CCDC117: variants seen among roughly 807,000 people sequenced by gnomAD.
CCDC117 encodes coiled-coil domain-containing protein 117.
A neutral mutation model predicts 23.5 loss-of-function variants in CCDC117; 1 was observed. That is an observed-to-expected ratio of 0.04 (90% CI 0.02 to 0.20). The LOEUF is 0.20. CCDC117 is among the 10% of genes least tolerant of loss of function. The pLI, the probability that CCDC117 is intolerant of heterozygous loss-of-function variation, is 1.00. For missense variants in CCDC117, 383 were observed against 348.2 expected, an observed-to-expected ratio of 1.10 and a Z score of -0.80; for synonymous variants, 132 against 124.8, an observed-to-expected ratio of 1.06 and a Z score of -0.39.
chr22:28,774,446 C>G (rs934756674), intron 2 of CCDC117, among the ~76,000 whole-genome samples: 2 of 149,396 alleles, frequency 1.3e-5, no homozygotes, highest in African/African-American at 2.5e-5. Context: ...TCACAGCTCA[C>G]TGCAGCCTCA....
At chr22:28,781,717 C>G (rs1210640396) in intron 3 of CCDC117, among the ~76,000 whole-genome samples, 1 of 151,806 alleles carries the variant, frequency 6.6e-6, no homozygotes, top group East Asian at 1.9e-4. Context: ...CATCTTGGCT[C>G]AATGCAACCT....
rs929165168 is a variant in CCDC117, at chr22:28,772,936, C to T, written c.87C>T (p.Gly29=). 5.7e-6 allele frequency: 7 copies of T among 1,219,680 alleles called. No individual in the cohort carries two copies. Among genetic ancestry groups the T allele is most frequent in the African/African-American group, 1.6e-5 (1 of 63,682 alleles). 75.6% of individuals were successfully genotyped at this position (1,219,680 alleles called of 1,614,324 possible). The change falls in exon 1 of 5, where the codon GGC becomes GGT. Residue 29 remains glycine, a synonymous_variant. Transcript: ENST00000249064. The part of the protein sequence containing the change: ...FLQPPQPAFP[G]RAFPPGADGA... ...AGCCGCCGCAGCCGGCCTTCCCCGG[C>T]CGGGCCTTCCCGCCGGGGGCTGACG...
At chr22:28,785,282 G>A (rs2031479007) in intron 4 of CCDC117, among the ~76,000 whole-genome samples, 1 of 151,376 alleles carries the variant, frequency 6.6e-6, no homozygotes, top group Non-Finnish European at 1.5e-5. Context: ...TTGACCTCCT[G>A]GGCTCAGGTG....
rs747713488 is a variant in CCDC117, at chr22:28,781,023, T to G, written c.315T>G (p.His105Gln). 1.2e-6 allele frequency: 2 copies of G among 1,614,054 alleles called. No homozygotes were observed. The highest frequency in any genetic ancestry group is 1.1e-5 in the South Asian group (1 of 91,082). The stretch of plus-strand genomic sequence containing the variant: ...CTAATGACTGGATTCTTTGTGCACA[T>G]CAGGATGTAGAGGGGCATGGAGTAA... ...AGPNDWILCAHQDVEGHGVNP... is the reference protein window; with the variant it reads ...AGPNDWILCAQQDVEGHGVNP... The change falls in exon 3 of 5, where the codon CAT becomes CAG. Residue 105 changes from histidine (H) to glutamine (Q), a missense_variant. Physicochemically the swap from His to Gln is conservative, Grantham distance 24 (BLOSUM62 0). Coordinates refer to ENST00000249064, the MANE Select transcript of CCDC117 (RefSeq NM_173510.4).
At position 28,787,885 on chromosome 22, in the gene CCDC117, G is replaced by A. The variant is rs2031564768; in HGVS notation, c.*1559G>A. On this transcript the variant is annotated 3_prime_UTR_variant, in exon 5 of 5. Transcript: ENST00000249064. ...CAGATACCTTTTGTAGAAAAAAATG[G>A]CTTATGCCACGTAAAGGTGAATTTT... 6.6e-6 allele frequency: 1 copy of A among 152,410 alleles called. No individual in the cohort carries two copies. Among genetic ancestry groups the A allele is most frequent in the Non-Finnish European group, 1.5e-5 (1 of 68,004 alleles). 9.4% of individuals were successfully genotyped at this position (152,410 alleles called of 1,614,324 possible).
chr22:28,774,947 G>A (rs2031120230), intron 2 of CCDC117, among the ~76,000 whole-genome samples: 1 of 152,086 alleles, frequency 6.6e-6, no homozygotes, highest in Admixed American at 6.6e-5. Flanking sequence ...CATAGAGAGA[G>A]GTTTACGTAA....
At chr22:28,782,002 G>A (rs2031354038) in intron 3 of CCDC117, among the ~76,000 whole-genome samples, 1 of 144,848 alleles carries the variant, frequency 6.9e-6, no homozygotes, top group African/African-American at 2.6e-5. Flanking sequence ...AGGTTGGAGT[G>A]CAGTGGCTCA....
intron 3 of CCDC117, among the ~76,000 whole-genome samples, chr22:28,783,102 C>T (rs1159174409): frequency 6.6e-6 from 1 of 151,928 alleles, no homozygotes; most frequent in East Asian, 1.9e-4. Flanking sequence ...TGTGCAATGG[C>T]ACGATCTTGG....
chr22:28,782,051 C>G lies in CCDC117; in HGVS notation c.464+879C>G, dbSNP rs189417700. Among the ~76,000 whole-genome samples the G allele has an allele frequency of 3.0e-3, 451 of 151,680 alleles. 3 individuals carry two copies. The highest frequency in any genetic ancestry group is 0.01 in the African/African-American group (424 of 41,364). On this transcript the variant is annotated intron_variant, in intron 3 of 4. Coordinates refer to ENST00000249064, the MANE Select transcript of CCDC117 (RefSeq NM_173510.4). ...CTTTCAGGCTCAACCCATCTGCCCCCCTCAGCCTCCCAAGTGGCTGGGACT... is the reference window on the plus strand; with the variant it reads ...CTTTCAGGCTCAACCCATCTGCCCCGCTCAGCCTCCCAAGTGGCTGGGACT...
At chr22:28,780,447 T>C (rs938248832) in intron 2 of CCDC117, among the ~76,000 whole-genome samples, 1 of 152,204 alleles carries the variant, frequency 6.6e-6, no homozygotes, top group African/African-American at 2.4e-5. Context: ...TGACTAAATA[T>C]GATGCTGAAT....
chr22:28,782,542 G>T (rs935076040), intron 3 of CCDC117, among the ~76,000 whole-genome samples: 26 of 152,036 alleles, frequency 1.7e-4, no homozygotes, highest in Non-Finnish European at 3.8e-4. Context: ...GGGTTCAGGC[G>T]ATTCTCCTGC....
intron 1 of CCDC117, 128 bp downstream of exon 1, chr22:28,773,162 C>T (rs1420237417): frequency 1.5e-5 from 4 of 261,818 alleles, no homozygotes; most frequent in Non-Finnish European, 2.4e-5. Context: ...CCCCACGGCC[C>T]TCCGCGGGAG....
At chr22:28,773,664 A>T in intron 1 of CCDC117, 61 bp from the exon 2 acceptor site, 1 of 1,350,068 alleles carries the variant, frequency 7.4e-7, no homozygotes, top group Non-Finnish European at 1.1e-6. Flanking sequence ...AAGAAAGAGG[A>T]TACTGAAACC....
rs1280531513 is a variant in CCDC117, at chr22:28,772,943, T to C, written c.94T>C (p.Phe32Leu). Residue 32 changes from phenylalanine to leucine, a missense_variant, in exon 1 of 5, where the codon TTC (phenylalanine) becomes CTC (leucine). Transcript: ENST00000249064. ...PPQPAFPGRA[F>L]PPGADGAELA... The stretch of plus-strand genomic sequence containing the variant: ...GCAGCCGGCCTTCCCCGGCCGGGCC[T>C]TCCCGCCGGGGGCTGACGGCGCCGA... The C allele has an allele frequency of 2.2e-5, 27 of 1,218,268 alleles. No individual in the cohort carries two copies. In the East Asian group the frequency reaches 8.6e-4, roughly 39 times the overall value. 75.5% of individuals were successfully genotyped at this position (1,218,268 alleles called of 1,614,324 possible).
In CCDC117 at chr22:28,786,997, C is replaced by A. The variant is rs1449236899; in HGVS notation, c.*671C>A. ...CACTGTTGCTCCTTGGTTTCCCTTG[C>A]GTAATTGATAAGCCCAGTTATTCAG... On this transcript the variant is annotated 3_prime_UTR_variant, in exon 5 of 5. Coordinates refer to ENST00000249064, the MANE Select transcript of CCDC117 (RefSeq NM_173510.4). The A allele has an allele frequency of 6.6e-6, 1 of 152,422 alleles. No individual in the cohort carries two copies. Among genetic ancestry groups the A allele is most frequent in the Non-Finnish European group, 1.5e-5 (1 of 68,026 alleles). 9.4% of individuals were successfully genotyped at this position (152,422 alleles called of 1,614,324 possible).
intron 3 of CCDC117, 28 bp from the exon 4 acceptor site, chr22:28,783,480 C>A: frequency 1.9e-6 from 3 of 1,588,220 alleles, no homozygotes; most frequent in Non-Finnish European, 2.6e-6. Flanking sequence ...AATATTTTTT[C>A]TTTCTTCTGC....
chr22:28,777,754 C>T (rs867324892), intron 2 of CCDC117, among the ~76,000 whole-genome samples: 6 of 151,560 alleles, frequency 4.0e-5, no homozygotes, highest in East Asian at 2.0e-4. Context: ...ATGATCCACC[C>T]GCCTCAGCCT....
At chr22:28,778,500 CG>C (rs1411387373) in intron 2 of CCDC117, among the ~76,000 whole-genome samples, 1 of 151,920 alleles carries the variant, frequency 6.6e-6, no homozygotes, top group Non-Finnish European at 1.5e-5. Context: ...CCCAGCTACT[CG>C]GGGGGCTGAG....
chr22:28,782,328 C>T (rs907883645), intron 3 of CCDC117, among the ~76,000 whole-genome samples: 3 of 142,732 alleles, frequency 2.1e-5, no homozygotes, highest in East Asian at 2.1e-4. Flanking sequence ...GTGAACTCGG[C>T]GCTCACTGCA....
Sources: allele counts gnomAD v4.1 joint callset (sites outside exome capture counted in the v4.1 genomes callset), GRCh38; gene constraint gnomAD v4.1.1; transcripts MANE v1.5; gene names NCBI Gene and HGNC (gene_info 2026-07-23, HGNC 2026-07-21).